ASTN2: variants seen among roughly 807,000 people sequenced by gnomAD.
The protein encoded by ASTN2 is astrotactin 2.
ASTN2 carries 54 observed loss-of-function variants against 139.8 expected under a neutral mutation model. The ratio of observed to expected loss-of-function variants is 0.39; its 90% CI spans 0.31 to 0.48. The LOEUF is 0.48. ASTN2 is among the 20% of genes least tolerant of loss of function. The pLI is 0.95. For missense variants in ASTN2, 1,565 were observed against 1,725.1 expected (o/e 0.91, Z 1.64); for synonymous variants, 756 against 719.5 (o/e 1.05, Z -0.81).
At chr9:117,222,913 C>T (rs1254057859) in intron 2 of ASTN2, among the ~76,000 whole-genome samples, 3 of 151,962 alleles carry the variant, frequency 2.0e-5, no homozygotes, top group Non-Finnish European at 4.4e-5. Context: ...AGAGAAACTG[C>T]TTAAAACCAT....
In ASTN2 at chr9:117,414,827, A is replaced by ACAG. The variant is rs1181558890; in HGVS notation, c.109_111dup (p.Leu37dup). On this transcript the variant is annotated inframe_insertion, in exon 1 of 23. Transcript: ENST00000313400. The surrounding 1 kb of genome is among the most constrained non-coding windows in gnomAD (Gnocchi z 4.2). ...GGCGGCGGCGGCAGCAGGAGCAGGA[A>ACAG]CAGCAGCAGCAGCGGCAGCAGTGGC... The ACAG allele has an allele frequency of 2.5e-6, 3 of 1,190,706 alleles. No homozygotes were observed. Among genetic ancestry groups the ACAG allele is most frequent in the Admixed American group, 4.6e-5 (1 of 21,796 alleles). The allele number at this position is 1,190,706 out of a possible 1,614,324, so 73.8% of individuals were successfully genotyped here. A position where few individuals can be genotyped will look rare whatever the true frequency, so the allele number is the denominator to read the frequency against.
chr9:116,617,836 G>T (rs1855931839), intron 19 of ASTN2, among the ~76,000 whole-genome samples: 1 of 152,162 alleles, frequency 6.6e-6, no homozygotes, highest in Non-Finnish European at 1.5e-5. Context: ...ATAATCAAAG[G>T]TATCCCTCTT....
At chr9:117,254,718 C>G (rs562141393) in intron 2 of ASTN2, among the ~76,000 whole-genome samples, 1 of 152,104 alleles carries the variant, frequency 6.6e-6, no homozygotes. Context: ...TCAAAAAATA[C>G]TAGATGTGAG....
At chr9:117,200,743 G>A (rs945465445) in intron 3 of ASTN2, among the ~76,000 whole-genome samples, 5 of 152,068 alleles carry the variant, frequency 3.3e-5, no homozygotes, top group African/African-American at 1.2e-4. Flanking sequence ...GTTTTTTGAC[G>A]TGCTGCTGGA....
At chr9:117,210,961 A>C (rs138959282) in intron 3 of ASTN2, among the ~76,000 whole-genome samples, 1 of 142,752 alleles carries the variant, frequency 7.0e-6, no homozygotes, top group African/African-American at 2.6e-5. Context: ...TGGAAAAAAA[A>C]CCATATGATC....
rs57448374 is a variant in ASTN2 at position 116,866,892 on chromosome 9, C to CAA, written c.1890-3161_1890-3160dup. ...TAGGTGACACAGCGAGACTCCGTCTCAAAAAAAAAAAAAAAAAAAAAGACA... is the reference window on the plus strand; with the variant it reads ...TAGGTGACACAGCGAGACTCCGTCTCAAAAAAAAAAAAAAAAAAAAAAAGACA... On this transcript the variant is annotated intron_variant, in intron 10 of 22. Transcript: ENST00000313400. Among the ~76,000 whole-genome samples the CAA allele has an allele frequency of 3.4e-3, 311 of 90,656 alleles. 2 individuals are homozygous for CAA. The highest frequency in any genetic ancestry group is 0.012 in the African/African-American group (292 of 24,050). The allele number at this position is 90,656 out of a possible 152,430, so 59.5% of individuals were successfully genotyped here.
At chr9:116,807,630 G>A (rs1327732045) in intron 12 of ASTN2, among the ~76,000 whole-genome samples, 1 of 152,160 alleles carries the variant, frequency 6.6e-6, no homozygotes, top group African/African-American at 2.4e-5. Flanking sequence ...GTATATGGAA[G>A]TGAATCGTAC....
Position 116,645,896 on chromosome 9 carries a change from T to C in ASTN2, c.3072+5632A>G, listed in dbSNP as rs181496749. Among the ~76,000 whole-genome samples the C allele has an allele frequency of 3.3e-5, 5 of 152,306 alleles. No homozygotes were observed. In the East Asian group the frequency reaches 9.6e-4, roughly 29 times the overall value. ...ACCAGCAAAGTTTTCAAGTACTATC[T>C]AGAAGAGGAGTTACCAAAGGAAACA... is the stretch of plus-strand genomic sequence containing the variant. On this transcript the variant is annotated intron_variant, in intron 17 of 22. Coordinates refer to ENST00000313400, the MANE Select transcript of ASTN2 (RefSeq NM_001365068.1).
At chr9:116,465,437 G>A (rs1032309973) in intron 20 of ASTN2, among the ~76,000 whole-genome samples, 21 of 152,134 alleles carry the variant, frequency 1.4e-4, no homozygotes, top group African/African-American at 3.1e-4. Context: ...TCTCAGAGAC[G>A]TAAGGCTTTG....
At chr9:116,496,983 G>T (rs1233630469) in intron 19 of ASTN2, among the ~76,000 whole-genome samples, 1 of 152,166 alleles carries the variant, frequency 6.6e-6, no homozygotes, top group African/African-American at 2.4e-5. Context: ...GATGAGACTT[G>T]GTTGGGGACA....
At chr9:116,680,446 C>A (rs980114491) in intron 16 of ASTN2, among the ~76,000 whole-genome samples, 13 of 152,110 alleles carry the variant, frequency 8.5e-5, no homozygotes, top group African/African-American at 1.9e-4. Flanking sequence ...ACCAGGGGTA[C>A]AAGGAGGAAC....
chr9:116,958,584 G>A (rs953505889), intron 10 of ASTN2, among the ~76,000 whole-genome samples: 9 of 152,046 alleles, frequency 5.9e-5, no homozygotes, highest in East Asian at 1.9e-4. Flanking sequence ...GCTGGACTCC[G>A]TCTCAAAAAC....
At chr9:117,409,434 G>A (rs1022852699) in intron 1 of ASTN2, among the ~76,000 whole-genome samples, 1 of 152,184 alleles carries the variant, frequency 6.6e-6, no homozygotes, top group Non-Finnish European at 1.5e-5. Context: ...TTCTTCGAAT[G>A]TCTGCCAAAC....
chr9:116,791,039 G>GAAAGA (rs1554746885), intron 13 of ASTN2, among the ~76,000 whole-genome samples: 1,820 of 81,640 alleles, frequency 0.022, 108 homozygotes, highest in East Asian at 0.15. Flanking sequence ...AAGAAAGAAA[G>GAAAGA]AAAGAAAAGA....
chr9:117,029,246 G>T (rs905908941), intron 6 of ASTN2, among the ~76,000 whole-genome samples: 12 of 152,104 alleles, frequency 7.9e-5, no homozygotes, highest in Non-Finnish European at 1.8e-4. Context: ...ACAGGACCTG[G>T]CACTTAGCAA....
At chr9:116,973,600 A>T (rs1395779944) in intron 10 of ASTN2, among the ~76,000 whole-genome samples, 1 of 152,238 alleles carries the variant, frequency 6.6e-6, no homozygotes, top group Non-Finnish European at 1.5e-5. Flanking sequence ...CTGATTTCAA[A>T]CGAGGTAACT....
At chr9:116,735,092 G>A (rs1828891432) in intron 13 of ASTN2, among the ~76,000 whole-genome samples, 1 of 152,188 alleles carries the variant, frequency 6.6e-6, no homozygotes, top group Non-Finnish European at 1.5e-5. Flanking sequence ...GTGTTAACAG[G>A]TGGTGGAGCT....
At chr9:117,196,278 G>A (rs1176235467) in intron 3 of ASTN2, among the ~76,000 whole-genome samples, 1 of 152,120 alleles carries the variant, frequency 6.6e-6, no homozygotes, top group Non-Finnish European at 1.5e-5. Flanking sequence ...CACAATTCAT[G>A]GCAAGTTCCC....
At chr9:116,469,379 A>G (rs1848744338) in intron 20 of ASTN2, among the ~76,000 whole-genome samples, 1 of 151,874 alleles carries the variant, frequency 6.6e-6, no homozygotes, top group South Asian at 2.1e-4. Flanking sequence ...GGCTTGTGGT[A>G]TAGTGGTTTA....
Sources: allele counts gnomAD v4.1 joint callset (sites outside exome capture counted in the v4.1 genomes callset), GRCh38; gene constraint gnomAD v4.1.1; non-coding constraint Gnocchi (gnomAD v3.1); transcripts MANE v1.5; gene names NCBI Gene and HGNC (gene_info 2026-07-23, HGNC 2026-07-21).